Variants in RAP1GAP2 observed in about 807,000 individuals in gnomAD.
RAP1GAP2 encodes RAP1 GTPase activating protein 2.
RAP1GAP2 carries 27 observed loss-of-function variants against 95.0 expected under a neutral mutation model. The observed-to-expected ratio is 0.28, with a 90% CI of 0.21 to 0.39. The LOEUF is 0.39. Among genes scored for constraint, RAP1GAP2 ranks in the 10% least tolerant of loss-of-function variants. RAP1GAP2 has a pLI of 1.00. For missense variants in RAP1GAP2, 771 were observed against 970.0 expected, an observed-to-expected ratio of 0.79 and a Z score of 2.72; for synonymous variants, 373 against 380.9, an observed-to-expected ratio of 0.98 and a Z score of 0.24.
chr17:2,763,049 T>C (rs2068212931), intron 1 of RAP1GAP2, among the ~76,000 whole-genome samples: 1 of 152,142 alleles, frequency 6.6e-6, no homozygotes, highest in Non-Finnish European at 1.5e-5. Flanking sequence ...TCCTTCAGTG[T>C]AGTGTTCAGC....
At chr17:2,983,438 T>TA (rs1444710446) in intron 10 of RAP1GAP2, among the ~76,000 whole-genome samples, 2 of 152,118 alleles carry the variant, frequency 1.3e-5, no homozygotes, top group East Asian at 3.8e-4. Context: ...AGGAGCGTCA[T>TA]AAAAAACAAA....
chr17:2,833,967 G>A (rs1229529499), intron 2 of RAP1GAP2, among the ~76,000 whole-genome samples: 2 of 152,150 alleles, frequency 1.3e-5, no homozygotes, highest in Non-Finnish European at 2.9e-5. Flanking sequence ...AGCTCTGGCT[G>A]TGTCCTGCGT....
At chr17:2,916,798 C>T (rs759420878) in intron 3 of RAP1GAP2, among the ~76,000 whole-genome samples, 4 of 152,186 alleles carry the variant, frequency 2.6e-5, no homozygotes, top group Admixed American at 6.5e-5. Flanking sequence ...CCTTGAGAAA[C>T]ACACAGTCAG....
At chr17:2,960,542 C>T (rs1164101745) in intron 4 of RAP1GAP2, among the ~76,000 whole-genome samples, 1 of 152,250 alleles carries the variant, frequency 6.6e-6, no homozygotes, top group Non-Finnish European at 1.5e-5. Flanking sequence ...AACAGGAGCC[C>T]TGCTGTCCAC....
At chr17:2,925,928 C>T (rs1418343848) in intron 3 of RAP1GAP2, among the ~76,000 whole-genome samples, 1 of 152,054 alleles carries the variant, frequency 6.6e-6, no homozygotes, top group Non-Finnish European at 1.5e-5. Context: ...CACCTGAGGT[C>T]AGGAGTTTGA....
chr17:2,996,801 G>A (rs1346065235), intron 13 of RAP1GAP2, among the ~76,000 whole-genome samples: 1 of 152,254 alleles, frequency 6.6e-6, no homozygotes, highest in Non-Finnish European at 1.5e-5. Flanking sequence ...TGCGCGTGGA[G>A]TAAGTGAGGC....
At chr17:2,820,892 G>GTTTTTTTT (rs59814346) in intron 2 of RAP1GAP2, among the ~76,000 whole-genome samples, 1 of 104,086 alleles carries the variant, frequency 9.6e-6, no homozygotes, top group East Asian at 2.6e-4. Context: ...CCGGATAATG[G>GTTTTTTTT]TTTTTTTTTT....
intron 2 of RAP1GAP2, among the ~76,000 whole-genome samples, chr17:2,877,502 C>T (rs1245208639): frequency 1.3e-5 from 2 of 152,118 alleles, no homozygotes; most frequent in African/African-American, 2.4e-5. Flanking sequence ...AATCCCAGCA[C>T]TTTGGGAGGC....
chr17:2,957,290 C>T (rs2044151937), intron 3 of RAP1GAP2, among the ~76,000 whole-genome samples: 1 of 152,196 alleles, frequency 6.6e-6, no homozygotes, highest in African/African-American at 2.4e-5. Context: ...CCCTCCCCCT[C>T]CTTCCCTGGC....
At chr17:2,964,919 C>T (rs902899605) in intron 7 of RAP1GAP2, 3 of 152,534 alleles carry the variant, frequency 2.0e-5, no homozygotes, top group African/African-American at 7.2e-5. Context: ...GGGAGGCTGC[C>T]TCAGAGCCCC....
intron 3 of RAP1GAP2, among the ~76,000 whole-genome samples, chr17:2,944,379 A>G (rs1191960387): frequency 1.3e-5 from 2 of 152,118 alleles, no homozygotes; most frequent in South Asian, 2.1e-4. Context: ...TTGCAGCGCC[A>G]TTTGTTGAAA....
intron 3 of RAP1GAP2, among the ~76,000 whole-genome samples, chr17:2,943,781 C>T (rs970297460): frequency 1.3e-5 from 2 of 152,122 alleles, no homozygotes; most frequent in African/African-American, 2.4e-5. Context: ...ATGAGAGGGT[C>T]GTTAATCATC....
intron 2 of RAP1GAP2, among the ~76,000 whole-genome samples, chr17:2,865,176 C>T (rs2072571660): frequency 6.6e-6 from 1 of 152,150 alleles, no homozygotes; most frequent in African/African-American, 2.4e-5. Flanking sequence ...GTACTTAACA[C>T]CCCCGTGCTA....
chr17:2,782,977 C>G (rs112736901), intron 1 of RAP1GAP2, among the ~76,000 whole-genome samples: 7,829 of 152,186 alleles, frequency 0.051, 676 homozygotes, highest in African/African-American at 0.18. Flanking sequence ...AGATCGTGCC[C>G]CTGCACTCCA....
In RAP1GAP2 at chr17:2,870,012, C is replaced by T. The variant is rs1042898928; in HGVS notation, c.81-35272C>T. On this transcript the variant is annotated intron_variant, in intron 2 of 24. Coordinates refer to ENST00000254695, the MANE Select transcript of RAP1GAP2 (RefSeq NM_015085.5). This position sits in a 1 kb window ranked among gnomAD's most constrained non-coding sequence, Gnocchi z 4.4. ...GATGGGCAGCAGCTACTCCAGGGTG[C>T]GTTGACCTGCAGAGCAGGCCTCAGG... is the stretch of plus-strand genomic sequence containing the variant. 4.1e-5 allele frequency among the ~76,000 whole-genome samples: 6 copies of T among 146,856 alleles called. No individual in the cohort carries two copies. The highest frequency in any genetic ancestry group is 4.2e-4 in the South Asian group (2 of 4,810).
intron 1 of RAP1GAP2, among the ~76,000 whole-genome samples, chr17:2,799,949 T>C (rs899183893): frequency 1.3e-5 from 2 of 152,130 alleles, no homozygotes; most frequent in Non-Finnish European, 2.9e-5. Flanking sequence ...GCTCTGAACC[T>C]CTGTGCCTGA....
At chr17:2,952,128 T>C (rs1465993218) in intron 3 of RAP1GAP2, among the ~76,000 whole-genome samples, 1 of 152,240 alleles carries the variant, frequency 6.6e-6, no homozygotes, top group Non-Finnish European at 1.5e-5. Context: ...TCCTTTGGGA[T>C]ATTTTTCTCC....
chr17:2,897,694 T>C (rs1369192564), intron 2 of RAP1GAP2, among the ~76,000 whole-genome samples: 1 of 151,910 alleles, frequency 6.6e-6, no homozygotes, highest in Non-Finnish European at 1.5e-5. Flanking sequence ...CCCACAAGCC[T>C]GGGCCGAGGT....
intron 3 of RAP1GAP2, among the ~76,000 whole-genome samples, chr17:2,954,291 A>G (rs1348489594): frequency 1.3e-5 from 2 of 151,744 alleles, no homozygotes; most frequent in Admixed American, 6.6e-5. Context: ...TTTTTAGTAG[A>G]GACGGGGTTT....
Sources: allele counts gnomAD v4.1 joint callset (sites outside exome capture counted in the v4.1 genomes callset), GRCh38; gene constraint gnomAD v4.1.1; non-coding constraint Gnocchi (gnomAD v3.1); transcripts MANE v1.5; gene names NCBI Gene and HGNC (gene_info 2026-07-23, HGNC 2026-07-21).